Variants in ENKUR observed in about 807,000 individuals in gnomAD.
The protein encoded by ENKUR is enkurin.
In ENKUR, 19 loss-of-function variants were observed where a neutral mutation model predicts 27.6. That is an observed-to-expected ratio of 0.69 (90% CI 0.48 to 1.01). The LOEUF (loss-of-function observed/expected upper bound fraction) is 1.01, where lower values mean the gene tolerates loss of function less well. Among genes scored for constraint, ENKUR ranks in the 50% least tolerant of loss-of-function variants. The pLI, the probability that ENKUR is intolerant of heterozygous loss-of-function variation, is 0.00. For missense variants in ENKUR, 312 were observed against 310.5 expected, an observed-to-expected ratio of 1.00 and a Z score of -0.04; for synonymous variants, 117 against 96.9, an observed-to-expected ratio of 1.21 and a Z score of -1.22.
At chr10:25,007,144 A>G (rs145916728) in intron 1 of ENKUR, among the ~76,000 whole-genome samples, 63 of 152,318 alleles carry the variant, frequency 4.1e-4, no homozygotes, top group Admixed American at 2.7e-3. Context: ...GACAGTGATT[A>G]TAACAGACTG....
intron 2 of ENKUR, among the ~76,000 whole-genome samples, chr10:25,040,997 A>G (rs1413648692): frequency 1.3e-5 from 2 of 152,192 alleles, no homozygotes; most frequent in Non-Finnish European, 2.9e-5. Flanking sequence ...TAGTATTTAT[A>G]TAGGTACACA....
At chr10:25,006,591 C>G (rs1369725171) in intron 1 of ENKUR, among the ~76,000 whole-genome samples, 1 of 152,178 alleles carries the variant, frequency 6.6e-6, no homozygotes, top group African/African-American at 2.4e-5. Context: ...ATTTGTAGCT[C>G]TACCTTACTT....
At chr10:24,997,411 G>T (rs1447133619) in intron 2 of ENKUR, among the ~76,000 whole-genome samples, 1 of 147,240 alleles carries the variant, frequency 6.8e-6, no homozygotes, top group East Asian at 2.0e-4. Flanking sequence ...TTTTGAGACA[G>T]GGTCTCCCTC....
At position 25,012,746 on chromosome 10, in the gene ENKUR, T is replaced by G. The variant is rs183565362; in HGVS notation, c.77+3114A>C. Reference sequence around the variant, plus strand: ...TATATGCTTGTAGGCAGAAGGGACTTGCCTGGTCTCAAATGAGACTTTGAA... The same window carrying G: ...TATATGCTTGTAGGCAGAAGGGACTGGCCTGGTCTCAAATGAGACTTTGAA... On this transcript the variant is annotated intron_variant, in intron 1 of 5. Transcript: ENST00000331161. Among the ~76,000 whole-genome samples the G allele has an allele frequency of 2.4e-3, 367 of 152,320 alleles. 4 individuals carry two copies. The highest frequency in any genetic ancestry group is 7.6e-3 in the African/African-American group (315 of 41,566).
intron 2 of ENKUR, among the ~76,000 whole-genome samples, chr10:25,054,029 A>C (rs919935330): frequency 3.9e-5 from 6 of 152,210 alleles, no homozygotes; most frequent in African/African-American, 1.4e-4. Context: ...GGGTAACTCC[A>C]AGCCACACAT....
chr10:25,057,364 A>T (rs1423656276), intron 2 of ENKUR, among the ~76,000 whole-genome samples: 1 of 145,066 alleles, frequency 6.9e-6, no homozygotes, highest in East Asian at 2.1e-4. Context: ...AATCAGCTTA[A>T]CCCTCTGCAC....
At chr10:25,054,530 C>CCTTTCTTT (rs1161916077) in intron 2 of ENKUR, among the ~76,000 whole-genome samples, 38 of 90,494 alleles carry the variant, frequency 4.2e-4, no homozygotes, top group African/African-American at 1.4e-3. Flanking sequence ...TTCTTTCTTT[C>CCTTTCTTT]CTTTCTTTCT....
At chr10:25,054,493 C>CTT in intron 2 of ENKUR, among the ~76,000 whole-genome samples, 3 of 123,552 alleles carry the variant, frequency 2.4e-5, no homozygotes, top group Non-Finnish European at 5.2e-5. Context: ...TTCTTTCTTT[C>CTT]TTTCTTTCTT....
intron 4 of ENKUR, among the ~76,000 whole-genome samples, chr10:24,990,110 G>A (rs921196653): frequency 3.9e-5 from 6 of 151,960 alleles, no homozygotes; most frequent in African/African-American, 1.5e-4. Flanking sequence ...TCTAATTTAT[G>A]AATATTATTT....
chr10:24,990,652 C>T, intron 3 of ENKUR, 43 bp from the exon 4 acceptor site: 2 of 1,557,434 alleles, frequency 1.3e-6, no homozygotes, highest in Non-Finnish European at 1.7e-6. Flanking sequence ...ATTTTGTATG[C>T]AATCTTACAT....
At chr10:25,026,850 A>G (rs977906336) in intron 2 of ENKUR, among the ~76,000 whole-genome samples, 24 of 152,280 alleles carry the variant, frequency 1.6e-4, no homozygotes, top group African/African-American at 5.5e-4. Flanking sequence ...AATTAAACCA[A>G]TTATATATTA....
In ENKUR at chr10:24,990,519, G is replaced by A. The variant is rs781420863; in HGVS notation, c.538C>T (p.Leu180Phe). 22 of 1,613,794 alleles carry A rather than the reference G, an allele frequency of 1.4e-5. No homozygotes were observed. The highest frequency in any genetic ancestry group is 1.7e-5 in the Non-Finnish European group (20 of 1,179,958). Residue 180 changes from leucine to phenylalanine, a missense_variant, in exon 4 of 6, where the codon CTT becomes TTT. Coordinates refer to ENST00000331161, the MANE Select transcript of ENKUR (RefSeq NM_145010.4). The stretch of plus-strand genomic sequence containing the variant: ...AGCCTTTTCATAGCTGCTTTCTTAA[G>A]GTTTTCCTGGATATAACGATCATAG... ...EDYDRYIQEN[L>F]KKAAMKRLSD... is the part of the protein sequence containing the mutation.
In ENKUR at chr10:24,984,314, G is replaced by C. The variant is rs79560443; in HGVS notation, c.*56C>G. On this transcript the variant is annotated 3_prime_UTR_variant, in exon 6 of 6. Coordinates refer to ENST00000331161, the MANE Select transcript of ENKUR (RefSeq NM_145010.4). ...ACAGTTTAGAGTAGCAAGAAGGCACGTGTTACTATTTCCAGTTCAAAATAC... is the reference window on the plus strand; with the variant it reads ...ACAGTTTAGAGTAGCAAGAAGGCACCTGTTACTATTTCCAGTTCAAAATAC... 52 of 1,566,726 alleles carry C rather than the reference G, an allele frequency of 3.3e-5. No homozygotes were observed. Among genetic ancestry groups the C allele is most frequent in the Non-Finnish European group, 4.0e-5 (46 of 1,153,984 alleles).
intron 1 of ENKUR, among the ~76,000 whole-genome samples, chr10:25,003,227 G>C (rs1588658674): frequency 6.6e-6 from 1 of 151,548 alleles, no homozygotes; most frequent in East Asian, 1.9e-4. Context: ...TGTTGCCCAG[G>C]CTGGAGTGCA....
intron 1 of ENKUR, among the ~76,000 whole-genome samples, chr10:25,002,959 A>G (rs1453543298): frequency 1.3e-5 from 2 of 152,184 alleles, no homozygotes; most frequent in East Asian, 3.9e-4. Context: ...CCTCTTTTAA[A>G]TTTGTAAACC....
intron 1 of ENKUR, among the ~76,000 whole-genome samples, chr10:25,002,504 G>C (rs958477145): frequency 6.6e-6 from 1 of 152,088 alleles, no homozygotes; most frequent in Non-Finnish European, 1.5e-5. Flanking sequence ...CAGTCGTAGG[G>C]CTTGCCTCAT....
intron 2 of ENKUR, among the ~76,000 whole-genome samples, chr10:25,039,690 G>T (rs1851040623): frequency 6.6e-6 from 1 of 152,134 alleles, no homozygotes; most frequent in African/African-American, 2.4e-5. Context: ...TATTATTTCA[G>T]TCATCTACTG....
At chr10:25,059,978 G>T (rs529997956) in intron 2 of ENKUR, among the ~76,000 whole-genome samples, 267 of 152,304 alleles carry the variant, frequency 1.8e-3, no homozygotes, top group Non-Finnish European at 2.8e-3. Flanking sequence ...GCGTTCTGTG[G>T]GGTTGGGAGT....
chr10:25,018,656 G>A (rs1850657492), upstream of ENKUR, among the ~76,000 whole-genome samples: 1 of 77,744 alleles, frequency 1.3e-5, no homozygotes, highest in Non-Finnish European at 3.0e-5. Context: ...ACAAATGAGA[G>A]TTGTTTTTTT....
Sources: allele counts gnomAD v4.1 joint callset (sites outside exome capture counted in the v4.1 genomes callset), GRCh38; gene constraint gnomAD v4.1.1; transcripts MANE v1.5; gene names NCBI Gene and HGNC (gene_info 2026-07-23, HGNC 2026-07-21).